Variants in ATG4C observed in about 807,000 individuals in gnomAD.
The protein encoded by ATG4C is autophagy related 4C cysteine peptidase.
Under a neutral mutation model 57.6 loss-of-function variants are expected in ATG4C, and 56 were observed. The observed-to-expected ratio is 0.97, with a 90% CI of 0.78 to 1.21. ATG4C has a LOEUF of 1.21. Among genes scored for constraint, ATG4C ranks in the 50% most tolerant of loss-of-function variants. The pLI, the probability that ATG4C is intolerant of heterozygous loss-of-function variation, is 0.00. For synonymous variants in ATG4C, 157 were observed against 174.1 expected (o/e 0.90, Z 0.78); for missense variants, 595 against 529.8 (o/e 1.12, Z -1.21).
chr1:62,814,744 A>T (rs1001545082), intron 3 of ATG4C, among the ~76,000 whole-genome samples: 2 of 151,908 alleles, frequency 1.3e-5, no homozygotes, highest in South Asian at 2.1e-4. Context: ...TTTTTATCCA[A>T]TCTGATAATC....
At chr1:62,826,288 T>A (rs1315511098) in intron 6 of ATG4C, among the ~76,000 whole-genome samples, 1 of 148,772 alleles carries the variant, frequency 6.7e-6, no homozygotes, top group East Asian at 2.0e-4. Flanking sequence ...CAGGCTGGAG[T>A]GCAGTGGTGC....
intron 1 of ATG4C, among the ~76,000 whole-genome samples, chr1:62,796,210 T>G (rs1226452938): frequency 9.6e-5 from 10 of 104,592 alleles, no homozygotes; most frequent in Non-Finnish European, 2.1e-4. Flanking sequence ...TGTGTGGGTT[T>G]TTTTTTTTTT....
At chr1:62,794,433 G>A (rs1249034725) in intron 1 of ATG4C, among the ~76,000 whole-genome samples, 2 of 152,120 alleles carry the variant, frequency 1.3e-5, no homozygotes, top group Admixed American at 6.5e-5. Flanking sequence ...TTTATTGGAG[G>A]ATGTGATCCT....
chr1:62,816,282 A>C (rs1665268179), intron 3 of ATG4C, among the ~76,000 whole-genome samples: 1 of 152,080 alleles, frequency 6.6e-6, no homozygotes, highest in Non-Finnish European at 1.5e-5. Context: ...CAAAGAGTTA[A>C]TTATGTATAG....
intron 3 of ATG4C, among the ~76,000 whole-genome samples, chr1:62,812,647 AG>A (rs1213532231): frequency 6.6e-6 from 1 of 152,218 alleles, no homozygotes; most frequent in Admixed American, 6.5e-5. Flanking sequence ...AAAGCAATAA[AG>A]GGTATTCAAA....
At chr1:62,795,170 A>G (rs995775773) in intron 1 of ATG4C, among the ~76,000 whole-genome samples, 2 of 152,230 alleles carry the variant, frequency 1.3e-5, no homozygotes, top group Admixed American at 6.5e-5. Flanking sequence ...TAATCCCTAA[A>G]GTTCTGCCAG....
intron 2 of ATG4C, 63 bp downstream of exon 2, chr1:62,803,925 C>T (rs2100296009): frequency 9.7e-7 from 1 of 1,025,686 alleles, no homozygotes; most frequent in South Asian, 1.6e-5. Flanking sequence ...TTTATCATTT[C>T]CCCTCTTAAG....
At chr1:62,852,573 TAC>T (rs1364049617) in intron 10 of ATG4C, among the ~76,000 whole-genome samples, 1 of 152,212 alleles carries the variant, frequency 6.6e-6, no homozygotes, top group African/African-American at 2.4e-5. Context: ...ATACTCCCAC[TAC>T]AGTTATAACA....
chr1:62,784,507 T>G (rs984480104), intron 1 of ATG4C, among the ~76,000 whole-genome samples: 1 of 152,148 alleles, frequency 6.6e-6, no homozygotes, highest in Non-Finnish European at 1.5e-5. Context: ...AGCCTAACTG[T>G]GGGCAGCTGT....
chr1:62,818,879 T>C, intron 4 of ATG4C, 126 bp from the exon 5 acceptor site: 1 of 709,286 alleles, frequency 1.4e-6, no homozygotes, highest in Non-Finnish European at 2.2e-6. Context: ...TTTCCATGTA[T>C]TTACCTATTT....
intron 1 of ATG4C, among the ~76,000 whole-genome samples, chr1:62,795,185 A>AT (rs1664421097): frequency 6.6e-6 from 1 of 152,234 alleles, no homozygotes; most frequent in Non-Finnish European, 1.5e-5. Flanking sequence ...TGCCAGGAGC[A>AT]TTTACTTGGC....
chr1:62,849,890 T>C (rs1666450135), intron 10 of ATG4C, among the ~76,000 whole-genome samples: 2 of 152,130 alleles, frequency 1.3e-5, no homozygotes. Context: ...TGCTCCTAAT[T>C]AGTATATTTA....
chr1:62,830,348 C>A (rs889339727), intron 7 of ATG4C, among the ~76,000 whole-genome samples: 2 of 152,060 alleles, frequency 1.3e-5, no homozygotes, highest in African/African-American at 4.8e-5. Context: ...GACATGTTGT[C>A]ATCTCTAGGT....
rs1198532718 is a variant in ATG4C at position 62,818,987 on chromosome 1, G to C, written c.395-18G>C. The C allele has an allele frequency of 8.0e-6, 12 of 1,498,490 alleles. No individual in the cohort carries two copies. The highest frequency in any genetic ancestry group is 9.8e-6 in the Non-Finnish European group (11 of 1,125,396). The allele number at this position is 1,498,490 out of a possible 1,614,324, so 92.8% of individuals were successfully genotyped here. The stretch of plus-strand genomic sequence containing the variant: ...TCTATTTAAAAGATCTGAACACTTT[G>C]CTTTGGAACTACTATAGCTTGGACC... On this transcript the variant is annotated intron_variant, in intron 4 of 10. Transcript: ENST00000317868.
chr1:62,812,261 A>C (rs1308900026), intron 3 of ATG4C, among the ~76,000 whole-genome samples: 1 of 152,224 alleles, frequency 6.6e-6, no homozygotes. Flanking sequence ...CACATCAAAA[A>C]GCTTATGCAC....
intron 10 of ATG4C, among the ~76,000 whole-genome samples, chr1:62,850,848 A>ATGTGTATGTATATATATATGTGTGTATG (rs1318478422): frequency 1.6e-4 from 6 of 37,670 alleles, no homozygotes; most frequent in Non-Finnish European, 2.5e-4. Context: ...ATGTGTGTGT[A>ATGTGTATGTATATATATATGTGTGTATG]TGTATGTATA....
At chr1:62,788,696 G>A (rs147938765) in intron 1 of ATG4C, among the ~76,000 whole-genome samples, 6 of 151,894 alleles carry the variant, frequency 4.0e-5, no homozygotes, top group African/African-American at 1.2e-4. Flanking sequence ...CAAAAATACC[G>A]AATCCAATTA....
At chr1:62,806,068 A>G (rs1265109194) in intron 3 of ATG4C, among the ~76,000 whole-genome samples, 1 of 152,226 alleles carries the variant, frequency 6.6e-6, no homozygotes, top group African/African-American at 2.4e-5. Flanking sequence ...AATGGCTTGT[A>G]GTAATAACAG....
intron 1 of ATG4C, among the ~76,000 whole-genome samples, chr1:62,791,996 C>G (rs1019482088): frequency 6.6e-6 from 1 of 151,988 alleles, no homozygotes; most frequent in Non-Finnish European, 1.5e-5. Flanking sequence ...CTACTTTTAT[C>G]TACTCTTTTC....
Sources: allele counts gnomAD v4.1 joint callset (sites outside exome capture counted in the v4.1 genomes callset), GRCh38; gene constraint gnomAD v4.1.1; transcripts MANE v1.5; gene names NCBI Gene and HGNC (gene_info 2026-07-23, HGNC 2026-07-21).